Variants in RYR3 observed in about 807,000 individuals in gnomAD.
The protein encoded by RYR3 is brain ryanodine receptor-calcium release channel.
RYR3 carries 207 observed loss-of-function variants against 584.3 expected under a neutral mutation model. The observed-to-expected ratio is 0.35, with a 90% confidence interval of 0.32 to 0.40. RYR3 has a LOEUF of 0.40. RYR3 is among the 10% of genes least tolerant of loss of function. The probability of loss-of-function intolerance (pLI) is 1.00; values close to 1 mark genes in which losing one functional copy is unlikely to be tolerated. For missense variants in RYR3, 5,616 were observed against 6,089.2 expected (o/e 0.92, Z 2.59); for synonymous variants, 2,416 against 2,248.5 (o/e 1.07, Z -2.11).
intron 1 of RYR3, among the ~76,000 whole-genome samples, chr15:33,378,524 C>T (rs923007036): frequency 1.3e-5 from 2 of 152,142 alleles, no homozygotes; most frequent in Non-Finnish European, 2.9e-5. Context: ...TTTGCAATGA[C>T]GGCCAACGAA....
chr15:33,825,508 G>A, intron 81 of RYR3, 95 bp from the exon 82 acceptor site: 1 of 749,708 alleles, frequency 1.3e-6, no homozygotes, highest in Non-Finnish European at 2.3e-6. Context: ...TAACACAGGG[G>A]CAGGATATGC....
At chr15:33,587,021 T>C (rs962383653) in intron 16 of RYR3, among the ~76,000 whole-genome samples, 2 of 139,006 alleles carry the variant, frequency 1.4e-5, no homozygotes, top group East Asian at 2.0e-4. Flanking sequence ...TGTCATCATC[T>C]GGGGGGACTG....
intron 17 of RYR3, among the ~76,000 whole-genome samples, chr15:33,602,533 C>T (rs548136810): frequency 1.3e-5 from 2 of 152,086 alleles, no homozygotes; most frequent in African/African-American, 4.8e-5. Flanking sequence ...TTTTTTTTAA[C>T]TTAAAAAACA....
intron 60 of RYR3, among the ~76,000 whole-genome samples, chr15:33,763,581 G>A (rs1221869511): frequency 6.6e-6 from 1 of 152,140 alleles, no homozygotes; most frequent in Non-Finnish European, 1.5e-5. Flanking sequence ...TCTCACGCCA[G>A]TTAGAATGGT....
chr15:33,402,814 G>T (rs1460662619), intron 1 of RYR3, among the ~76,000 whole-genome samples: 1 of 152,196 alleles, frequency 6.6e-6, no homozygotes, highest in Non-Finnish European at 1.5e-5. Flanking sequence ...GCAGGACTTG[G>T]TGCTATTTGT....
chr15:33,668,752 A>C (rs754156006), intron 36 of RYR3, among the ~76,000 whole-genome samples: 1 of 152,228 alleles, frequency 6.6e-6, no homozygotes, highest in African/African-American at 2.4e-5. Flanking sequence ...ATAAAAAAAC[A>C]TTAAAATATG....
chr15:33,365,913 T>C (rs1975432934), intron 1 of RYR3, among the ~76,000 whole-genome samples: 1 of 152,208 alleles, frequency 6.6e-6, no homozygotes, highest in African/African-American at 2.4e-5. Context: ...CAGAGTAGTT[T>C]ATTTTTCTTA....
At chr15:33,497,465 C>T (rs2051540980) in intron 2 of RYR3, among the ~76,000 whole-genome samples, 1 of 152,160 alleles carries the variant, frequency 6.6e-6, no homozygotes, top group Non-Finnish European at 1.5e-5. Context: ...AATCCATTCC[C>T]TTATCTCTAT....
intron 3 of RYR3, among the ~76,000 whole-genome samples, chr15:33,513,865 A>C (rs2053255025): frequency 6.6e-6 from 1 of 152,234 alleles, no homozygotes; most frequent in Admixed American, 6.5e-5. Context: ...TGAAGGATTC[A>C]TAAGTCATCA....
intron 1 of RYR3, among the ~76,000 whole-genome samples, chr15:33,353,371 A>G (rs1359086904): frequency 6.6e-6 from 1 of 152,232 alleles, no homozygotes; most frequent in East Asian, 1.9e-4. Flanking sequence ...GCAAAAGCAG[A>G]GAAACATGTT....
At chr15:33,633,736 G>A (rs1383640110) in intron 24 of RYR3, among the ~76,000 whole-genome samples, 2 of 152,056 alleles carry the variant, frequency 1.3e-5, no homozygotes, top group Non-Finnish European at 2.9e-5. Flanking sequence ...ATATGAGTTT[G>A]GGTGACTTAT....
At chr15:33,788,581 A>C (rs935980264) in intron 67 of RYR3, 123 bp downstream of exon 67, 23 of 1,067,898 alleles carry the variant, frequency 2.2e-5, no homozygotes, top group East Asian at 1.6e-4. Flanking sequence ...AGCCGCCCCC[A>C]CCATTCTCCT....
At chr15:33,414,828 G>A (rs1012183980) in intron 1 of RYR3, among the ~76,000 whole-genome samples, 2 of 152,072 alleles carry the variant, frequency 1.3e-5, no homozygotes, top group African/African-American at 4.8e-5. Flanking sequence ...TCCTGGCCTC[G>A]TGATCCGCCC....
chr15:33,572,654 T>TACACACAC lies in RYR3; in HGVS notation c.1268+5856_1268+5857insCACACACA, dbSNP rs1180776345. ...TCATTAAATTAAAAAAAAAAAACTA[T>TACACACAC]ATATACACACACACACACACACACA... is the stretch of plus-strand genomic sequence containing the variant. On this transcript the variant is annotated intron_variant, in intron 12 of 103. Transcript: ENST00000634891. 9.3e-3 allele frequency among the ~76,000 whole-genome samples: 1,125 copies of TACACACAC among 121,116 alleles called. 19 individuals are homozygous for TACACACAC. The highest frequency in any genetic ancestry group is 0.032 in the African/African-American group (935 of 29,370). The allele number at this position is 121,116 out of a possible 152,430, so 79.5% of individuals were successfully genotyped here. A position where few individuals can be genotyped will look rare whatever the true frequency, so the allele number is the denominator to read the frequency against.
chr15:33,589,032 C>T (rs1479634509), intron 16 of RYR3, among the ~76,000 whole-genome samples: 4 of 152,160 alleles, frequency 2.6e-5, no homozygotes, highest in Non-Finnish European at 4.4e-5. Context: ...GAGAAATCTC[C>T]ATACTGTTAT....
intron 87 of RYR3, 45 bp downstream of exon 87, chr15:33,835,117 A>T (rs1301371078): frequency 3.5e-6 from 5 of 1,412,312 alleles, no homozygotes; most frequent in Non-Finnish European, 4.0e-6. Flanking sequence ...GTGAAATGCT[A>T]AGTCAGTCCT....
Position 33,757,386 on chromosome 15 carries a change from T to C in RYR3, c.8584-89T>C, listed in dbSNP as rs2071948336. ...TTACAGGACCAGGGTTCAGAGGCTT[T>C]TTGCTCACTGAAAATAAACACTTTT... On this transcript the variant is annotated intron_variant, in intron 59 of 103. Coordinates refer to ENST00000634891, the MANE Select transcript of RYR3 (RefSeq NM_001036.6). 5 of 1,405,468 alleles carry C rather than the reference T, an allele frequency of 3.6e-6. No homozygotes were observed. In the African/African-American group the frequency reaches 4.3e-5, roughly 12 times the overall value. The allele number at this position is 1,405,468 out of a possible 1,614,324, so 87.1% of individuals were successfully genotyped here.
chr15:33,322,434 G>C (rs1969097404), intron 1 of RYR3, among the ~76,000 whole-genome samples: 2 of 152,056 alleles, frequency 1.3e-5, no homozygotes, highest in Admixed American at 1.3e-4. Context: ...CATGAGGACA[G>C]CACCAAGACA....
At position 33,726,462 on chromosome 15, in the gene RYR3, T is replaced by A; in HGVS notation, c.6989T>A (p.Val2330Asp). ...LRSLVPTEDL[V>D]GIISIPLKLP... ...TCCCTGGTCCCCACAGAAGACCTGG[T>A]TGGGATCATCAGCATCCCCTTGAAA... Residue 2330 changes from valine to aspartate, a missense_variant, in exon 46 of 104, where the codon GTT (valine) becomes GAT (aspartate). Val to Asp is a radical substitution (Grantham distance 152, BLOSUM62 -3). Coordinates refer to ENST00000634891, the MANE Select transcript of RYR3 (RefSeq NM_001036.6). 1 of 1,607,896 alleles carries A rather than the reference T, an allele frequency of 6.2e-7. No homozygotes were observed. The highest frequency in any genetic ancestry group is 1.1e-5 in the South Asian group (1 of 89,528).
Sources: gnomAD v4.1 joint callset for allele counts (sites outside exome capture counted in the v4.1 genomes callset) on GRCh38, gnomAD v4.1.1 for gene constraint, MANE v1.5 for transcripts, NCBI Gene and HGNC (gene_info 2026-07-23, HGNC 2026-07-21) for gene names.